LRBA: variants seen among roughly 807,000 people sequenced by gnomAD.
LRBA encodes the protein lipopolysaccharide-responsive and beige-like anchor protein.
In LRBA, 176 loss-of-function variants were observed where a neutral mutation model predicts 330.0. That is an observed-to-expected ratio of 0.53 (90% CI 0.47 to 0.60). LRBA has a LOEUF of 0.60. Among genes scored for constraint, LRBA ranks in the 20% least tolerant of loss-of-function variants. The pLI is 0.00. For synonymous variants in LRBA, 1,230 were observed against 1,193.0 expected, an observed-to-expected ratio of 1.03 and a Z score of -0.64; for missense variants, 3,259 against 3,444.8, an observed-to-expected ratio of 0.95 and a Z score of 1.35.
rs1482037304 is a variant in LRBA, at chr4:150,737,016, C to A, written c.5646-1650G>T. 2.0e-5 allele frequency among the ~76,000 whole-genome samples: 3 copies of A among 152,150 alleles called. No individual in the cohort carries two copies. The East Asian group carries it at 5.8e-4, about 29-fold the overall frequency. Reference sequence around the variant, plus strand: ...ATCACATGAGGCCAGTAGTTCAAGACCAGCCTTGGCAATGTAGTGAGATCC... The same window carrying A: ...ATCACATGAGGCCAGTAGTTCAAGAACAGCCTTGGCAATGTAGTGAGATCC... On this transcript the variant is annotated intron_variant, in intron 35 of 56. Coordinates refer to ENST00000651943, the MANE Select transcript of LRBA (RefSeq NM_001364905.1).
chr4:150,409,724 G>A (rs1746685530), intron 47 of LRBA, among the ~76,000 whole-genome samples: 1 of 152,016 alleles, frequency 6.6e-6, no homozygotes, highest in Non-Finnish European at 1.5e-5. Flanking sequence ...AATAAATGTG[G>A]GGAGAATTAA....
chr4:150,559,425 G>T (rs1394991474), intron 40 of LRBA, among the ~76,000 whole-genome samples: 1 of 149,640 alleles, frequency 6.7e-6, no homozygotes. Context: ...GCTGGGTGTG[G>T]TGGTGCATGC....
intron 44 of LRBA, among the ~76,000 whole-genome samples, chr4:150,456,474 T>C (rs1397261583): frequency 6.6e-6 from 1 of 152,190 alleles, no homozygotes; most frequent in African/African-American, 2.4e-5. Context: ...ATGCCTTCTT[T>C]TGAGAAATGT....
chr4:150,562,425 C>T (rs1446992671), intron 40 of LRBA, among the ~76,000 whole-genome samples: 1 of 152,152 alleles, frequency 6.6e-6, no homozygotes, highest in African/African-American at 2.4e-5. Context: ...ACTCTCATTG[C>T]TATGGGCAAC....
intron 35 of LRBA, among the ~76,000 whole-genome samples, chr4:150,742,150 A>ATT (rs70941435): frequency 1.4e-5 from 2 of 145,208 alleles, no homozygotes; most frequent in African/African-American, 2.5e-5. Context: ...TATTATTATT[A>ATT]TTTTTTTTTT....
At chr4:150,336,508 AAG>A (rs1025082671) in intron 48 of LRBA, among the ~76,000 whole-genome samples, 5 of 152,206 alleles carry the variant, frequency 3.3e-5, no homozygotes, top group African/African-American at 9.6e-5. Context: ...AATAAAGAGA[AAG>A]AGCAGCTTGT....
chr4:150,903,180 G>A (rs973177850), intron 13 of LRBA, among the ~76,000 whole-genome samples: 4 of 152,048 alleles, frequency 2.6e-5, no homozygotes, highest in East Asian at 1.9e-4. Flanking sequence ...CCGGAAGTTC[G>A]AGACCAGCCT....
intron 40 of LRBA, among the ~76,000 whole-genome samples, chr4:150,565,743 C>A (rs1376682277): frequency 6.6e-6 from 1 of 151,894 alleles, no homozygotes. Flanking sequence ...AGCTATACCA[C>A]CTAAGAGTTA....
At chr4:150,724,350 AT>A (rs1272150763) in intron 36 of LRBA, among the ~76,000 whole-genome samples, 1 of 152,152 alleles carries the variant, frequency 6.6e-6, no homozygotes, top group Non-Finnish European at 1.5e-5. Context: ...TCCACATCTT[AT>A]CTAAGACCAC....
At chr4:150,827,139 C>G (rs773379803) in intron 30 of LRBA, among the ~76,000 whole-genome samples, 2 of 152,074 alleles carry the variant, frequency 1.3e-5, no homozygotes, top group Non-Finnish European at 2.9e-5. Flanking sequence ...ACAAGAACAT[C>G]CAAACCACTA....
At chr4:150,423,009 C>T (rs1749037310) in intron 46 of LRBA, 1 of 784,018 alleles carries the variant, frequency 1.3e-6, no homozygotes, top group Non-Finnish European at 2.4e-6. Flanking sequence ...CAGGCTGAGC[C>T]TGGCCTAGAG....
chr4:150,310,899 C>G (rs908683230), intron 51 of LRBA: 6 of 152,368 alleles, frequency 3.9e-5, no homozygotes, highest in African/African-American at 1.4e-4. Flanking sequence ...ATGGGAACTC[C>G]CATTTCCCCT....
At position 150,559,662 on chromosome 4, in the gene LRBA, A is replaced by AAT. The variant is rs374502406; in HGVS notation, c.6330+28384_6330+28385dup. ...TTTATATAATATAATATATAATTAT[A>AAT]ATATATATATTATATAATATATTAT... On this transcript the variant is annotated intron_variant, in intron 40 of 56. Transcript: ENST00000651943. Among the ~76,000 whole-genome samples the AAT allele has an allele frequency of 1.3e-4, 12 of 89,780 alleles. No individual in the cohort carries two copies. In the East Asian group the frequency reaches 2.4e-3, roughly 18 times the overall value. 58.9% of individuals were successfully genotyped at this position (89,780 alleles called of 152,430 possible). A position where few individuals can be genotyped will look rare whatever the true frequency, so the allele number is the denominator to read the frequency against.
In LRBA at chr4:150,660,510, C is replaced by T. The variant is rs1193999357; in HGVS notation, c.5921+23041G>A. ...GGTCAGCCCCCCCCGCCCGGCCAGCCGCCCTGTCCGGGAGGTGAGGGGCGC... is the reference window on the plus strand; with the variant it reads ...GGTCAGCCCCCCCCGCCCGGCCAGCTGCCCTGTCCGGGAGGTGAGGGGCGC... On this transcript the variant is annotated intron_variant, in intron 37 of 56. Transcript: ENST00000651943. Among the ~76,000 whole-genome samples the T allele has an allele frequency of 5.3e-5, 8 of 151,400 alleles. No individual in the cohort carries two copies. The South Asian group carries it at 6.3e-4, about 12-fold the overall frequency.
intron 2 of LRBA, among the ~76,000 whole-genome samples, chr4:151,003,249 T>G (rs1743598744): frequency 6.6e-6 from 1 of 151,324 alleles, no homozygotes; most frequent in African/African-American, 2.4e-5. Flanking sequence ...ACAAAAAAAT[T>G]AGTCAGGCAT....
intron 37 of LRBA, among the ~76,000 whole-genome samples, chr4:150,635,457 C>T (rs1777798286): frequency 6.6e-6 from 1 of 152,190 alleles, no homozygotes; most frequent in Non-Finnish European, 1.5e-5. Context: ...ATTCTCTCCA[C>T]CATTTTCCCT....
chr4:150,916,538 T>C lies in LRBA; in HGVS notation c.768-11A>G. ...TTGCTGGTTCTGAAACTATAAAGAATAGTTTTCATTTTACCTCTAAATATT... is the reference window on the plus strand; with the variant it reads ...TTGCTGGTTCTGAAACTATAAAGAACAGTTTTCATTTTACCTCTAAATATT... On this transcript the variant is annotated splice_polypyrimidine_tract_variant and intron_variant, in intron 6 of 56. Transcript: ENST00000651943. 6 of 1,610,534 alleles carry C rather than the reference T, an allele frequency of 3.7e-6. No individual in the cohort carries two copies. The highest frequency in any genetic ancestry group is 5.1e-6 in the Non-Finnish European group (6 of 1,179,166).
chr4:150,998,623 G>T (rs773517498), intron 2 of LRBA, among the ~76,000 whole-genome samples: 2 of 151,912 alleles, frequency 1.3e-5, no homozygotes, highest in Non-Finnish European at 2.9e-5. Context: ...CCAAAGTGTC[G>T]GGACTATAGG....
intron 34 of LRBA, among the ~76,000 whole-genome samples, chr4:150,790,700 C>A (rs1187791689): frequency 1.3e-5 from 2 of 152,232 alleles, no homozygotes; most frequent in Admixed American, 1.3e-4. Flanking sequence ...CCTAACCTCT[C>A]CAACTACCAT....
Sources: gnomAD v4.1 joint callset for allele counts (sites outside exome capture counted in the v4.1 genomes callset) on GRCh38, gnomAD v4.1.1 for gene constraint, MANE v1.5 for transcripts, NCBI Gene and HGNC (gene_info 2026-07-23, HGNC 2026-07-21) for gene names.